ZNRF3: variants seen among roughly 807,000 people sequenced by gnomAD.
ZNRF3 encodes zinc and ring finger 3, also known as E3 ubiquitin-protein ligase ZNRF3.
ZNRF3 carries 23 observed loss-of-function variants against 72.5 expected under a neutral mutation model. The observed-to-expected ratio is 0.32, with a 90% CI of 0.23 to 0.45. The LOEUF is 0.45. ZNRF3 is among the 20% of genes least tolerant of loss of function. The pLI is 1.00. For synonymous variants in ZNRF3, 610 were observed against 545.3 expected, an observed-to-expected ratio of 1.12 and a Z score of -1.65; for missense variants, 1,169 against 1,272.1, an observed-to-expected ratio of 0.92 and a Z score of 1.23.
At chr22:29,045,631 G>A (rs1159930647) in intron 5 of ZNRF3, among the ~76,000 whole-genome samples, 1 of 151,970 alleles carries the variant, frequency 6.6e-6, no homozygotes, top group African/African-American at 2.4e-5. Flanking sequence ...TGGAATTACA[G>A]GCACCCGGCT....
At chr22:28,890,239 G>T (rs1041771940) in intron 1 of ZNRF3, among the ~76,000 whole-genome samples, 1 of 152,152 alleles carries the variant, frequency 6.6e-6, no homozygotes, top group African/African-American at 2.4e-5. Flanking sequence ...GGTGGCTCAC[G>T]CCTGTAATCC....
At chr22:29,013,881 G>A (rs1361221393) in intron 2 of ZNRF3, among the ~76,000 whole-genome samples, 1 of 152,206 alleles carries the variant, frequency 6.6e-6, no homozygotes, top group African/African-American at 2.4e-5. Flanking sequence ...GGCACTGGAT[G>A]GGGCAGGCGT....
chr22:28,958,778 T>A (rs115099169), intron 1 of ZNRF3, among the ~76,000 whole-genome samples: 6 of 152,194 alleles, frequency 3.9e-5, no homozygotes, highest in Non-Finnish European at 8.8e-5. Flanking sequence ...TAGACTTCAT[T>A]AGACATACTT....
At chr22:28,995,920 C>T (rs1443878112) in intron 2 of ZNRF3, among the ~76,000 whole-genome samples, 1 of 152,050 alleles carries the variant, frequency 6.6e-6, no homozygotes, top group African/African-American at 2.4e-5. Flanking sequence ...TGACTATAGG[C>T]ACATGCCATG....
chr22:29,051,240 C>T (rs1332359265), intron 8 of ZNRF3, among the ~76,000 whole-genome samples: 1 of 152,136 alleles, frequency 6.6e-6, no homozygotes, highest in Admixed American at 6.5e-5. Context: ...CATGCTCACA[C>T]CAAAAACCTA....
At chr22:29,004,362 A>G (rs2036202509) in intron 2 of ZNRF3, among the ~76,000 whole-genome samples, 1 of 152,204 alleles carries the variant, frequency 6.6e-6, no homozygotes, top group Non-Finnish European at 1.5e-5. Context: ...GGAACCCTGA[A>G]GTTAGGAGGC....
chr22:28,971,757 G>A (rs2035579898), intron 1 of ZNRF3, among the ~76,000 whole-genome samples: 1 of 152,166 alleles, frequency 6.6e-6, no homozygotes, highest in African/African-American at 2.4e-5. Context: ...TCAGGCTGGA[G>A]TGCAGTGGCG....
intron 2 of ZNRF3, among the ~76,000 whole-genome samples, chr22:29,037,811 T>G (rs538051716): frequency 6.6e-6 from 1 of 152,166 alleles, no homozygotes; most frequent in African/African-American, 2.4e-5. Flanking sequence ...AGGATGGAAG[T>G]AGCAAAGGTG....
chr22:29,051,203 T>A (rs1322307253), intron 8 of ZNRF3, among the ~76,000 whole-genome samples: 5 of 152,024 alleles, frequency 3.3e-5, no homozygotes, highest in African/African-American at 1.2e-4. Flanking sequence ...CAGTACTCAT[T>A]TCCCCCTCTG....
At chr22:28,887,092 AGCAG>A (rs2033802131) in intron 1 of ZNRF3, among the ~76,000 whole-genome samples, 2 of 152,308 alleles carry the variant, frequency 1.3e-5, no homozygotes, top group South Asian at 4.2e-4. Flanking sequence ...GGGGTTCTGT[AGCAG>A]TTTTATTTAT....
chr22:28,890,924 A>AT (rs907502473), intron 1 of ZNRF3, among the ~76,000 whole-genome samples: 3 of 151,876 alleles, frequency 2.0e-5, no homozygotes, highest in Non-Finnish European at 4.4e-5. Flanking sequence ...TACCGAGCTA[A>AT]TTTTTTATTT....
chr22:29,021,289 G>A (rs1411104720), intron 2 of ZNRF3, among the ~76,000 whole-genome samples: 1 of 152,026 alleles, frequency 6.6e-6, no homozygotes, highest in Non-Finnish European at 1.5e-5. Flanking sequence ...GCCAGTTTTA[G>A]TAGATAGCAG....
chr22:28,986,955 C>G, intron 1 of ZNRF3, 121 bp from the exon 2 acceptor site: 1 of 1,361,230 alleles, frequency 7.3e-7, no homozygotes, highest in African/African-American at 1.5e-5. Context: ...AAAACTGTCC[C>G]CACTCTTAAA....
chr22:29,040,309 A>G lies in ZNRF3; in HGVS notation c.427-2186A>G, dbSNP rs187182210. Among the ~76,000 whole-genome samples the G allele has an allele frequency of 3.8e-4, 58 of 151,990 alleles. 1 individual carries two copies. Among genetic ancestry groups the G allele is most frequent in the African/African-American group, 1.3e-3 (53 of 41,454 alleles). On this transcript the variant is annotated intron_variant, in intron 2 of 8. Transcript: ENST00000544604. ...ATTCTCCTGCCTCAGCCTCCCGAGT[A>G]ACTGGGAGTACAAGCACATGCCACC...
intron 1 of ZNRF3, among the ~76,000 whole-genome samples, chr22:28,966,545 CA>C (rs2035463565): frequency 6.6e-6 from 1 of 151,908 alleles, no homozygotes; most frequent in African/African-American, 2.4e-5. Context: ...AAGATGGACA[CA>C]GAAGACAGTG....
At chr22:29,020,763 T>TTGTG (rs1286012711) in intron 2 of ZNRF3, among the ~76,000 whole-genome samples, 1 of 66,736 alleles carries the variant, frequency 1.5e-5, no homozygotes. Context: ...GGCTTTGTTT[T>TTGTG]TGTGTGTGTG....
At chr22:29,006,032 C>T (rs1310908633) in intron 2 of ZNRF3, among the ~76,000 whole-genome samples, 1 of 148,952 alleles carries the variant, frequency 6.7e-6, no homozygotes, top group Non-Finnish European at 1.5e-5. Flanking sequence ...GAAACTCTGT[C>T]TCAAAAAAAA....
At chr22:29,035,176 C>T (rs772041716) in intron 2 of ZNRF3, among the ~76,000 whole-genome samples, 5 of 151,922 alleles carry the variant, frequency 3.3e-5, no homozygotes, top group Non-Finnish European at 5.9e-5. Flanking sequence ...CCAATGTGGT[C>T]GGTAAGGTCT....
At position 28,999,600 on chromosome 22, in the gene ZNRF3, G is replaced by A. The variant is rs182534591; in HGVS notation, c.426+12399G>A. Among the ~76,000 whole-genome samples the A allele has an allele frequency of 2.1e-3, 316 of 152,302 alleles. 1 individual carries two copies. Among genetic ancestry groups the A allele is most frequent in the African/African-American group, 7.0e-3 (292 of 41,570 alleles). On this transcript the variant is annotated intron_variant, in intron 2 of 8. Coordinates refer to ENST00000544604, the MANE Select transcript of ZNRF3 (RefSeq NM_001206998.2). ...GGAGACAAGCCCAAAAGTCCCATCTGCTTTTTGTTCTCAAATAGAGAGGCC... is the reference window on the plus strand; with the variant it reads ...GGAGACAAGCCCAAAAGTCCCATCTACTTTTTGTTCTCAAATAGAGAGGCC...
Sources: allele counts gnomAD v4.1 joint callset (sites outside exome capture counted in the v4.1 genomes callset), GRCh38; gene constraint gnomAD v4.1.1; transcripts MANE v1.5; gene names NCBI Gene and HGNC (gene_info 2026-07-23, HGNC 2026-07-21).